The following RGS6 variants were observed in gnomAD, a reference collection of about 807,000 sequenced individuals.
RGS6 encodes regulator of G-protein signaling 6.
In RGS6, 30 loss-of-function variants were observed where a neutral mutation model predicts 78.5. That is an observed-to-expected ratio of 0.38 (90% CI 0.29 to 0.52). The LOEUF (loss-of-function observed/expected upper bound fraction) is 0.52. Among genes scored for constraint, RGS6 ranks in the 20% least tolerant of loss-of-function variants. The pLI, the probability that RGS6 is intolerant of heterozygous loss-of-function variation, is 0.85. For missense variants in RGS6, 495 were observed against 609.7 expected, an observed-to-expected ratio of 0.81 and a Z score of 1.98; for synonymous variants, 206 against 206.0, an observed-to-expected ratio of 1.00 and a Z score of 0.00.
chr14:72,077,491 A>G (rs367662444), intron 2 of RGS6, among the ~76,000 whole-genome samples: 2 of 152,040 alleles, frequency 1.3e-5, no homozygotes, highest in African/African-American at 2.4e-5. Context: ...GATGGCATGC[A>G]TTGAAAGCCC....
chr14:72,629,856 G>A, the RGS6 span: 72 of 790,778 alleles, frequency 9.1e-5, no homozygotes, highest in African/African-American at 1.1e-3. Context: ...CATGACGTAG[G>A]GAAAAAAATG....
chr14:72,436,448 T>G (rs1293198043), intron 3 of RGS6, among the ~76,000 whole-genome samples: 1 of 152,162 alleles, frequency 6.6e-6, no homozygotes. Flanking sequence ...AGACAGTATG[T>G]TTATCATTTA....
chr14:72,567,985 CA>C (rs931092151), downstream of RGS6, among the ~76,000 whole-genome samples: 10 of 152,192 alleles, frequency 6.6e-5, no homozygotes, highest in African/African-American at 2.4e-4. Flanking sequence ...GCCCCCTGGC[CA>C]AAAAGAGGCT....
chr14:72,056,478 C>T (rs1360092923), intron 2 of RGS6, among the ~76,000 whole-genome samples: 1 of 152,094 alleles, frequency 6.6e-6, no homozygotes, highest in Non-Finnish European at 1.5e-5. Flanking sequence ...AACATGGTCC[C>T]GTGAGAGAAT....
intron 2 of RGS6, among the ~76,000 whole-genome samples, chr14:72,187,505 C>T (rs536098278): frequency 6.6e-5 from 10 of 152,222 alleles, no homozygotes; most frequent in East Asian, 5.8e-4. Context: ...TCTACTTATG[C>T]GCAGAGATTT....
At chr14:72,543,492 T>C (rs2097353208) in intron 17 of RGS6, among the ~76,000 whole-genome samples, 1 of 152,196 alleles carries the variant, frequency 6.6e-6, no homozygotes, top group Non-Finnish European at 1.5e-5. Context: ...CTGTAACATA[T>C]GAAAACCACA....
At chr14:72,571,663 A>G in the RGS6 span, among the ~76,000 whole-genome samples, 1 of 152,256 alleles carries the variant, frequency 6.6e-6, no homozygotes, top group African/African-American at 2.4e-5. Context: ...CACACCTTAT[A>G]CAAAAGTTAA....
intron 2 of RGS6, among the ~76,000 whole-genome samples, chr14:72,201,751 G>C (rs752547077): frequency 7.2e-5 from 11 of 152,158 alleles, no homozygotes; most frequent in African/African-American, 9.7e-5. Context: ...CCTGCCACCT[G>C]TTTCTATAAA....
At chr14:72,608,538 A>G in the RGS6 span, among the ~76,000 whole-genome samples, 1 of 151,782 alleles carries the variant, frequency 6.6e-6, no homozygotes, top group African/African-American at 2.4e-5. Context: ...CTCCCCAACC[A>G]TATTCCCCCA....
chr14:72,422,271 T>C (rs61995146), intron 3 of RGS6, among the ~76,000 whole-genome samples: 35,927 of 152,156 alleles, frequency 0.24, 4,969 homozygotes, highest in Middle Eastern at 0.4. Context: ...GAAAATGGAC[T>C]AATACAAATG....
the RGS6 span, among the ~76,000 whole-genome samples, chr14:71,868,044 C>T: frequency 6.6e-6 from 1 of 152,306 alleles, no homozygotes; most frequent in South Asian, 2.1e-4. Context: ...AAAGTAGTTA[C>T]AACCAACCAA....
chr14:72,405,137 C>T (rs567129478), intron 3 of RGS6, among the ~76,000 whole-genome samples: 39 of 152,238 alleles, frequency 2.6e-4, no homozygotes, highest in Non-Finnish European at 3.7e-4. Context: ...GAGACTGGGT[C>T]GCTGTGCTAA....
At chr14:71,874,884 G>A in the RGS6 span, among the ~76,000 whole-genome samples, 1 of 152,094 alleles carries the variant, frequency 6.6e-6, no homozygotes, top group African/African-American at 2.4e-5. Flanking sequence ...GGCCTTTTAC[G>A]CATCTATTGA....
chr14:72,131,362 G>T (rs74060672), intron 2 of RGS6, among the ~76,000 whole-genome samples: 9,128 of 152,192 alleles, frequency 0.06, 311 homozygotes, highest in Middle Eastern at 0.092. Flanking sequence ...TTATCACCTT[G>T]TCTTAGGAAG....
chr14:71,973,191 T>C (rs913897646), intron 2 of RGS6, among the ~76,000 whole-genome samples: 1 of 152,252 alleles, frequency 6.6e-6, no homozygotes, highest in Non-Finnish European at 1.5e-5. Context: ...TCTAGGTCTT[T>C]TGTAATCTAA....
At chr14:72,285,374 G>A (rs1338702767) in intron 2 of RGS6, among the ~76,000 whole-genome samples, 1 of 152,062 alleles carries the variant, frequency 6.6e-6, no homozygotes, top group Non-Finnish European at 1.5e-5. Flanking sequence ...CTGTTCTCAT[G>A]GTAGTGAATA....
intron 2 of RGS6, among the ~76,000 whole-genome samples, chr14:72,069,660 C>A (rs2094328973): frequency 6.6e-6 from 1 of 152,130 alleles, no homozygotes; most frequent in South Asian, 2.1e-4. Flanking sequence ...CTACCTCAGC[C>A]TCCAGAGTAA....
the RGS6 span, among the ~76,000 whole-genome samples, chr14:71,875,525 T>C: frequency 6.6e-6 from 1 of 152,124 alleles, no homozygotes; most frequent in African/African-American, 2.4e-5. Context: ...TCTATTTGAT[T>C]CTTCTCTCTT....
At chr14:72,046,355 G>C (rs993985168) in intron 2 of RGS6, among the ~76,000 whole-genome samples, 4 of 151,626 alleles carry the variant, frequency 2.6e-5, no homozygotes, top group African/African-American at 7.3e-5. Context: ...TCTTATGTTT[G>C]GCAGCCTGAA....
Sources: gnomAD v4.1 joint callset for allele counts (sites outside exome capture counted in the v4.1 genomes callset) on GRCh38, gnomAD v4.1.1 for gene constraint, MANE v1.5 for transcripts, NCBI Gene and HGNC (gene_info 2026-07-23, HGNC 2026-07-21) for gene names.